DRC11: variants seen among roughly 807,000 people sequenced by gnomAD.
The protein encoded by DRC11 is dynein regulatory complex subunit 11, also known as IQ and AAA domain-containing protein 1.
chr2:236,427,097 C>T, the DRC11 span, among the ~76,000 whole-genome samples: 928 of 152,236 alleles, frequency 6.1e-3, 10 homozygotes, highest in African/African-American at 0.021. This position sits in a 1 kb window ranked among gnomAD's most constrained non-coding sequence, Gnocchi z 5.9. Context: ...TTTGGATAGG[C>T]TGAACCACTC....
At chr2:236,310,433 A>C in the DRC11 span, among the ~76,000 whole-genome samples, 1 of 152,246 alleles carries the variant, frequency 6.6e-6, no homozygotes, top group Non-Finnish European at 1.5e-5. The surrounding 1 kb of genome is among the most constrained non-coding windows in gnomAD (Gnocchi z 5.5). Context: ...CATTATTATC[A>C]GCATTATTTA....
chr2:236,309,366 A>T, the DRC11 span, among the ~76,000 whole-genome samples: 7 of 152,018 alleles, frequency 4.6e-5, no homozygotes, highest in African/African-American at 1.7e-4. The surrounding 1 kb of genome is among the most constrained non-coding windows in gnomAD (Gnocchi z 5.7). Flanking sequence ...CCTTTCTACC[A>T]AGTCTAGCCC....
the DRC11 span, chr2:236,486,786 T>C: frequency 7.8e-7 from 1 of 1,284,182 alleles, no homozygotes; most frequent in South Asian, 1.3e-5. The surrounding 1 kb of genome is among the most constrained non-coding windows in gnomAD (Gnocchi z 5.7). Flanking sequence ...CATATTCTAT[T>C]GTCTTTAAGA....
chr2:236,325,211 C>G, the DRC11 span, among the ~76,000 whole-genome samples: 1 of 152,052 alleles, frequency 6.6e-6, no homozygotes, highest in Non-Finnish European at 1.5e-5. The surrounding 1 kb of genome is among the most constrained non-coding windows in gnomAD (Gnocchi z 4.4). Flanking sequence ...ATAATGGAGC[C>G]CAAATACTAA....
the DRC11 span, chr2:236,488,043 T>G: frequency 1.2e-6 from 2 of 1,605,224 alleles, no homozygotes; most frequent in Non-Finnish European, 1.7e-6. Flanking sequence ...TGTCACTTTC[T>G]TGCCAAGCAT....
At chr2:236,339,785 T>G in the DRC11 span, among the ~76,000 whole-genome samples, 1 of 152,240 alleles carries the variant, frequency 6.6e-6, no homozygotes. Context: ...AAGTCCACAC[T>G]GTCTTGATTG....
the DRC11 span, among the ~76,000 whole-genome samples, chr2:236,492,883 C>T: frequency 1.3e-4 from 20 of 152,312 alleles, no homozygotes; most frequent in South Asian, 4.1e-4. Flanking sequence ...AAGGAGGTAT[C>T]GGGGCACAGA....
the DRC11 span, among the ~76,000 whole-genome samples, chr2:236,485,864 C>T: frequency 6.6e-6 from 1 of 152,126 alleles, no homozygotes; most frequent in African/African-American, 2.4e-5. Context: ...GCCATGCACT[C>T]GATGAGGCAA....
At chr2:236,378,568 A>G in the DRC11 span, among the ~76,000 whole-genome samples, 1 of 151,914 alleles carries the variant, frequency 6.6e-6, no homozygotes, top group Admixed American at 6.5e-5. Flanking sequence ...CCAGCTACTC[A>G]GGAGGCTGAG....
At chr2:236,366,798 C>T in the DRC11 span, among the ~76,000 whole-genome samples, 3 of 148,268 alleles carry the variant, frequency 2.0e-5, no homozygotes, top group Admixed American at 2.0e-4. Flanking sequence ...CCTCTCCCTC[C>T]CTCCTTCCTC....
At chr2:236,383,612 T>C in the DRC11 span, among the ~76,000 whole-genome samples, 2 of 152,108 alleles carry the variant, frequency 1.3e-5, no homozygotes, top group African/African-American at 4.8e-5. Context: ...CATCCTATAA[T>C]TCTTGGTATG....
At chr2:236,450,121 G>A in the DRC11 span, among the ~76,000 whole-genome samples, 1 of 151,852 alleles carries the variant, frequency 6.6e-6, no homozygotes, top group Non-Finnish European at 1.5e-5. Context: ...ACAATAGAAT[G>A]GTTTATAATA....
the DRC11 span, among the ~76,000 whole-genome samples, chr2:236,424,280 T>C: frequency 6.6e-6 from 1 of 152,210 alleles, no homozygotes; most frequent in Admixed American, 6.5e-5. Flanking sequence ...ATGAAATCCT[T>C]ATTTGTGGAG....
At chr2:236,490,918 A>G in the DRC11 span, among the ~76,000 whole-genome samples, 11 of 148,326 alleles carry the variant, frequency 7.4e-5, no homozygotes, top group Non-Finnish European at 1.3e-4. This position sits in a 1 kb window ranked among gnomAD's most constrained non-coding sequence, Gnocchi z 5.5. Flanking sequence ...GTGTGTGTGT[A>G]TATATATGTG....
the DRC11 span, among the ~76,000 whole-genome samples, chr2:236,476,420 G>T: frequency 2.2e-4 from 33 of 152,232 alleles, no homozygotes; most frequent in African/African-American, 7.5e-4. This position sits in a 1 kb window ranked among gnomAD's most constrained non-coding sequence, Gnocchi z 4.7. Context: ...TTTGTGACCT[G>T]TAACTTTACT....
chr2:236,487,048 T>C, the DRC11 span: 1 of 624,782 alleles, frequency 1.6e-6, no homozygotes, highest in South Asian at 2.1e-5. Context: ...GGAATATTTT[T>C]TCTTCTGTGA....
At chr2:236,315,003 A>G in the DRC11 span, among the ~76,000 whole-genome samples, 1 of 152,186 alleles carries the variant, frequency 6.6e-6, no homozygotes, top group East Asian at 1.9e-4. This position sits in a 1 kb window ranked among gnomAD's most constrained non-coding sequence, Gnocchi z 5.1. Flanking sequence ...TTGGAGAAAA[A>G]CAAGGTGGGA....
At chr2:236,329,877 A>G in the DRC11 span, among the ~76,000 whole-genome samples, 1 of 152,222 alleles carries the variant, frequency 6.6e-6, no homozygotes, top group Admixed American at 6.5e-5. Context: ...CGGGTCATAA[A>G]AGGGTAGTAA....
the DRC11 span, among the ~76,000 whole-genome samples, chr2:236,370,316 TTAGTGAGGCATTTGCTGTA>T: frequency 6.6e-6 from 1 of 152,166 alleles, no homozygotes; most frequent in Non-Finnish European, 1.5e-5. The surrounding 1 kb of genome is among the most constrained non-coding windows in gnomAD (Gnocchi z 5.5). Flanking sequence ...TTACAGCGAT[TTAGTGAGGCATTTGCTGTA>T]ATTACCTCAT....
Sources: allele counts gnomAD v4.1 joint callset (sites outside exome capture counted in the v4.1 genomes callset), GRCh38; gene constraint gnomAD v4.1.1; non-coding constraint Gnocchi (gnomAD v3.1); transcripts MANE v1.5; gene names NCBI Gene and HGNC (gene_info 2026-07-23, HGNC 2026-07-21).